Variants in TBC1D31 observed in about 807,000 individuals in gnomAD.
The protein encoded by TBC1D31 is TBC1 domain family member 31.
A neutral mutation model predicts 132.9 loss-of-function variants in TBC1D31; 99 were observed. The observed-to-expected ratio is 0.74, with a 90% confidence interval of 0.63 to 0.88. TBC1D31 has a LOEUF of 0.88. Ranked by LOEUF, TBC1D31 falls within the 40% of genes least tolerant of loss-of-function variation. The probability of loss-of-function intolerance (pLI) is 0.00; values close to 1 mark genes in which losing one functional copy is unlikely to be tolerated. For synonymous variants in TBC1D31, 385 were observed against 419.4 expected (o/e 0.92, Z 1.00); for missense variants, 1,134 against 1,256.6 (o/e 0.90, Z 1.48).
chr8:123,115,381 A>G (rs1461704857), intron 10 of TBC1D31, among the ~76,000 whole-genome samples: 15 of 152,228 alleles, frequency 9.9e-5, no homozygotes, highest in Admixed American at 9.8e-4. Context: ...CTGGAATTCC[A>G]TGTCCTAGGC....
chr8:123,115,047 A>G (rs1818783002), intron 10 of TBC1D31, among the ~76,000 whole-genome samples: 1 of 152,224 alleles, frequency 6.6e-6, no homozygotes, highest in Non-Finnish European at 1.5e-5. Context: ...AGACAATATT[A>G]TAATAAATAC....
At chr8:123,073,354 C>T (rs1278990983) in intron 1 of TBC1D31, 2 of 456,280 alleles carry the variant, frequency 4.4e-6, no homozygotes, top group South Asian at 1.5e-5. Context: ...CTACTGTGTG[C>T]CAAGCACGCC....
rs757258693 is a variant in TBC1D31, at chr8:123,109,552, T to G, written c.1368T>G (p.His456Gln). 3.4e-5 allele frequency: 55 copies of G among 1,613,584 alleles called. No individual in the cohort carries two copies. Among genetic ancestry groups the G allele is most frequent in the Non-Finnish European group, 4.5e-5 (53 of 1,179,650 alleles). The change falls in exon 10 of 22, where the codon CAT (histidine) becomes CAG (glutamine). Residue 456 changes from histidine to glutamine, a missense_variant. By Grantham distance (24) the His-to-Gln change is conservative. Transcript: ENST00000287380. ...AFSTLIDKGT[H>Q]VAFLNLQKKY... ...GTACCCTCATAGATAAGGGGACTCA[T>G]GTGGCATTTCTCAACCTTCAGAAGA... is the stretch of plus-strand genomic sequence containing the variant.
At chr8:123,102,254 T>G in intron 7 of TBC1D31, 1 of 456,758 alleles carries the variant, frequency 2.2e-6, no homozygotes, top group Non-Finnish European at 4.4e-6. Flanking sequence ...CAGGAAGAAG[T>G]TCGTGCTCAA....
Position 123,105,451 on chromosome 8 carries a change from T to C in TBC1D31, c.1196T>C (p.Phe399Ser). 1 of 1,608,306 alleles carries C rather than the reference T, an allele frequency of 6.2e-7. No individual in the cohort carries two copies. The highest frequency in any genetic ancestry group is 8.5e-7 in the Non-Finnish European group (1 of 1,177,736). The change falls in exon 8 of 22, where the codon TTT (phenylalanine) becomes TCT (serine). Residue 399 changes from phenylalanine to serine, a missense_variant. Physicochemically the swap from Phe to Ser is radical, Grantham distance 155. Transcript: ENST00000287380. ...TTAAAACAAGACCTGACTGGTGATT[T>C]TGAAAGTAAAAAGGTAAGAATATTT... is the stretch of plus-strand genomic sequence containing the variant. ...RILKQDLTGD[F>S]ESKKNELPDG...
chr8:123,105,531 C>T, intron 8 of TBC1D31, 67 bp downstream of exon 8: 1 of 1,265,704 alleles, frequency 7.9e-7, no homozygotes, highest in Non-Finnish European at 1.1e-6. Context: ...ATTTCTAAGC[C>T]ATCACCACTC....
At chr8:123,163,364 C>CCTT in the TBC1D31 span, among the ~76,000 whole-genome samples, 1 of 110,072 alleles carries the variant, frequency 9.1e-6, no homozygotes, top group East Asian at 2.8e-4. Flanking sequence ...TCACTTTAAC[C>CCTT]TTTTTTTTTT....
chr8:123,110,163 T>C (rs970861378), intron 10 of TBC1D31, among the ~76,000 whole-genome samples: 1 of 152,228 alleles, frequency 6.6e-6, no homozygotes, highest in African/African-American at 2.4e-5. Context: ...TTTTGAATTC[T>C]TATTCTACCA....
chr8:123,163,021 G>T, the TBC1D31 span, among the ~76,000 whole-genome samples: 1 of 152,068 alleles, frequency 6.6e-6, no homozygotes, highest in Non-Finnish European at 1.5e-5. Context: ...AGTAGAAACA[G>T]GGTTTCACCA....
chr8:123,086,151 T>C (rs1010316949), intron 4 of TBC1D31, among the ~76,000 whole-genome samples: 8 of 152,052 alleles, frequency 5.3e-5, no homozygotes, highest in Non-Finnish European at 1.0e-4. Context: ...CTATATGACA[T>C]CCAAACTGGT....
At chr8:123,102,925 T>G (rs1431375788) in intron 7 of TBC1D31, 1 of 152,236 alleles carries the variant, frequency 6.6e-6, no homozygotes, top group Non-Finnish European at 1.5e-5. Context: ...GTGGCTTACC[T>G]TACAGAGAAA....
rs778144928 is a variant in TBC1D31 at position 123,135,013 on chromosome 8, C to T, written c.2499+807C>T. On this transcript the variant is annotated intron_variant, in intron 17 of 21. Transcript: ENST00000287380. ...CTCCCCTGCTCCAGTGATTCTCCCA[C>T]GTCAGCCTCCCCAGTAGCTGGGACT... is the stretch of plus-strand genomic sequence containing the variant. 8.5e-5 allele frequency among the ~76,000 whole-genome samples: 13 copies of T among 152,352 alleles called. No individual in the cohort carries two copies. In the East Asian group the frequency reaches 1.5e-3, roughly 18 times the overall value.
chr8:123,159,295 A>C, the TBC1D31 span, among the ~76,000 whole-genome samples: 11 of 150,636 alleles, frequency 7.3e-5, no homozygotes, highest in African/African-American at 2.7e-4. Context: ...AAAAAGAAAA[A>C]ACGAAAAGGA....
chr8:123,074,361 C>A (rs1814261193), intron 1 of TBC1D31, among the ~76,000 whole-genome samples: 1 of 152,156 alleles, frequency 6.6e-6, no homozygotes, highest in Non-Finnish European at 1.5e-5. Context: ...ATCCAAAGTG[C>A]GATGCGAGAC....
At chr8:123,130,505 G>A (rs1036186301) in intron 16 of TBC1D31, among the ~76,000 whole-genome samples, 172 bp downstream of exon 16, 8 of 152,000 alleles carry the variant, frequency 5.3e-5, no homozygotes, top group Non-Finnish European at 1.0e-4. Context: ...TGTATTTCAT[G>A]AATGGCTAAA....
chr8:123,133,096 A>C (rs1379771132), intron 16 of TBC1D31, among the ~76,000 whole-genome samples: 1 of 152,242 alleles, frequency 6.6e-6, no homozygotes, highest in African/African-American at 2.4e-5. Flanking sequence ...CTCATGGTTC[A>C]GACTCTAGCA....
intron 17 of TBC1D31, among the ~76,000 whole-genome samples, chr8:123,140,520 G>T (rs1011907176): frequency 2.6e-5 from 4 of 152,144 alleles, no homozygotes; most frequent in Non-Finnish European, 5.9e-5. Context: ...TTTCCAGAAT[G>T]CTGAAGAAGT....
Position 123,142,326 on chromosome 8 carries a change from C to A in TBC1D31, c.2705C>A (p.Ser902Tyr), listed in dbSNP as rs1403172809. Residue 902 changes from serine to tyrosine, a missense_variant, in exon 19 of 22, where the codon TCT (serine) becomes TAT (tyrosine). By Grantham distance (144) the Ser-to-Tyr change is moderately radical. Transcript: ENST00000287380. ...ACLNTDWQIQ[S>Y]LHKQKCDDLQ... is the part of the protein sequence containing the mutation. The stretch of plus-strand genomic sequence containing the variant: ...CTAAATACCGACTGGCAGATTCAGT[C>A]TTTACATAAACAAAAATGTGATGAT... 3 of 1,609,200 alleles carry A rather than the reference C, an allele frequency of 1.9e-6. No homozygotes were observed. The South Asian group carries it at 3.3e-5, about 18-fold the overall frequency.
intron 10 of TBC1D31, among the ~76,000 whole-genome samples, chr8:123,111,749 A>G (rs962301704): frequency 2.6e-5 from 4 of 152,132 alleles, no homozygotes; most frequent in Non-Finnish European, 5.9e-5. Context: ...AATAATAACA[A>G]TGTGAATATT....
Sources: allele counts gnomAD v4.1 joint callset (sites outside exome capture counted in the v4.1 genomes callset), GRCh38; gene constraint gnomAD v4.1.1; transcripts MANE v1.5; gene names NCBI Gene and HGNC (gene_info 2026-07-23, HGNC 2026-07-21).